LAMP2: variants seen among roughly 807,000 people sequenced by gnomAD.
LAMP2 encodes lysosome-associated membrane glycoprotein 2.
In LAMP2, 4 loss-of-function variants were observed where a neutral mutation model predicts 25.6. The observed-to-expected ratio is 0.16, with a 90% CI of 0.08 to 0.36. The LOEUF (loss-of-function observed/expected upper bound fraction) is 0.36. Among genes scored for constraint, LAMP2 ranks in the 10% least tolerant of loss-of-function variants. The pLI is 1.00. For synonymous variants in LAMP2, 108 were observed against 112.7 expected (o/e 0.96, Z 0.27); for missense variants, 272 against 301.4 (o/e 0.90, Z 0.72).
intron 2 of LAMP2, 130 bp from the exon 3 acceptor site, chrX:120,455,700 CTGTGT>C: frequency 2.0e-6 from 1 of 499,588 alleles, no homozygotes; most frequent in Non-Finnish European, 3.5e-6. Flanking sequence ...GCCTGGTTTG[CTGTGT>C]AAACCAGTCC....
intron 1 of LAMP2, among the ~76,000 whole-genome samples, chrX:120,466,749 G>A (rs1274635968): frequency 9.0e-6 from 1 of 111,694 alleles, no homozygotes; most frequent in Non-Finnish European, 1.9e-5. Flanking sequence ...CATCAGAGTG[G>A]TGAGGTCATC....
Position 120,431,057 on chromosome X carries a change from T to C in LAMP2, c.*266A>G. 1 of 932,884 alleles carries C rather than the reference T, an allele frequency of 1.1e-6. No homozygotes were observed. Among genetic ancestry groups the C allele is most frequent in the Non-Finnish European group, 1.3e-6 (1 of 749,035 alleles). The allele number at this position is 932,884 out of a possible 1,213,427, so 76.9% of individuals were successfully genotyped here. ...GTTAGGATCAAAATTTGGCCAGGGC[T>C]TCTTAAGATAGACCTTAAAACATTG... is the stretch of plus-strand genomic sequence containing the variant. On this transcript the variant is annotated 3_prime_UTR_variant, in exon 9 of 9. Coordinates refer to ENST00000200639, the MANE Select transcript of LAMP2 (RefSeq NM_002294.3).
chrX:120,445,647 A>G (rs112093734), intron 6 of LAMP2, among the ~76,000 whole-genome samples: 1,394 of 112,301 alleles, frequency 0.012, 32 homozygotes, highest in African/African-American at 0.041. Flanking sequence ...TTATGGGAAT[A>G]ATAGTTGCTT....
intron 5 of LAMP2, 21 bp downstream of exon 5, chrX:120,447,820 G>A (rs778970265): frequency 6.8e-6 from 8 of 1,181,022 alleles, no homozygotes; most frequent in Non-Finnish European, 9.2e-6. Context: ...AGGATGTATT[G>A]ATAAAGATAG....
chrX:120,454,517 G>A (rs2058635924), intron 3 of LAMP2, among the ~76,000 whole-genome samples: 1 of 110,439 alleles, frequency 9.1e-6, no homozygotes, highest in South Asian at 3.8e-4. Context: ...TCAGGAGGCT[G>A]TGAGGCATGA....
intron 3 of LAMP2, among the ~76,000 whole-genome samples, chrX:120,454,315 C>A (rs770792853): frequency 1.8e-5 from 2 of 110,690 alleles, no homozygotes; most frequent in East Asian, 5.6e-4. Flanking sequence ...TAGAATGATA[C>A]CCCCTGAGTG....
chrX:120,468,613 T>TC (rs1253659126), intron 1 of LAMP2, among the ~76,000 whole-genome samples: 1 of 110,240 alleles, frequency 9.1e-6, no homozygotes, highest in African/African-American at 3.3e-5. Context: ...GTCCCATCTG[T>TC]CCCCCACCCA....
In LAMP2 at chrX:120,429,270, A is replaced by C. The variant is rs955931127; in HGVS notation, c.*2053T>G. ...AGTCCATTCCACCGAACCACCAGGA[A>C]AGCAACATGTGCAATGTAGATTTTG... On this transcript the variant is annotated 3_prime_UTR_variant, in exon 9 of 9. Transcript: ENST00000200639. 2 of 749,722 alleles carry C rather than the reference A, an allele frequency of 2.7e-6. No homozygotes were observed. The highest frequency in any genetic ancestry group is 3.1e-6 in the Non-Finnish European group (2 of 638,139). The allele number at this position is 749,722 out of a possible 1,213,427, so 61.8% of individuals were successfully genotyped here.
rs917617678 is a variant in LAMP2 at position 120,431,056 on chromosome X, C to T, written c.*267G>A. ...GGTTAGGATCAAAATTTGGCCAGGG[C>T]TTCTTAAGATAGACCTTAAAACATT... On this transcript the variant is annotated 3_prime_UTR_variant, in exon 9 of 9. Coordinates refer to ENST00000200639, the MANE Select transcript of LAMP2 (RefSeq NM_002294.3). 10 of 926,783 alleles carry T rather than the reference C, an allele frequency of 1.1e-5. No homozygotes were observed. Among genetic ancestry groups the T allele is most frequent in the African/African-American group, 2.0e-5 (1 of 49,144 alleles). 76.4% of individuals were successfully genotyped at this position (926,783 alleles called of 1,213,427 possible).
At chrX:120,454,672 A>C (rs2058636706) in intron 3 of LAMP2, among the ~76,000 whole-genome samples, 1 of 109,772 alleles carries the variant, frequency 9.1e-6, no homozygotes, top group Non-Finnish European at 1.9e-5. Context: ...CTACTGAATG[A>C]AATCAATAAT....
Position 120,429,455 on chromosome X carries a change from T to C in LAMP2, c.*1868A>G. 1 of 607,959 alleles carries C rather than the reference T, an allele frequency of 1.6e-6. No individual in the cohort carries two copies. Among genetic ancestry groups the C allele is most frequent in the Non-Finnish European group, 2.0e-6 (1 of 506,132 alleles). The allele number at this position is 607,959 out of a possible 1,213,427, so 50.1% of individuals were successfully genotyped here. A position where few individuals can be genotyped will look rare whatever the true frequency, so the allele number is the denominator to read the frequency against. On this transcript the variant is annotated 3_prime_UTR_variant, in exon 9 of 9. Coordinates refer to ENST00000200639, the MANE Select transcript of LAMP2 (RefSeq NM_002294.3). ...TTTGAGGATTAAATACAATTACATTTCTAAAGCATCTGATACACATCAAGA... is the reference window on the plus strand; with the variant it reads ...TTTGAGGATTAAATACAATTACATTCCTAAAGCATCTGATACACATCAAGA...
intron 8 of LAMP2, among the ~76,000 whole-genome samples, chrX:120,440,828 C>T (rs902832866): frequency 1.8e-5 from 2 of 112,520 alleles, no homozygotes; most frequent in Non-Finnish European, 3.8e-5. Context: ...CGTCTTTAAT[C>T]GCAAGAATGG....
In LAMP2 at chrX:120,456,733, G is replaced by A; in HGVS notation, c.101C>T (p.Thr34Ile). Residue 34 changes from threonine (T) to isoleucine (I), a missense_variant, in exon 2 of 9, where the codon ACA becomes ATA. By Grantham distance (89) the Thr-to-Ile change is moderately conservative (BLOSUM62 -1). Coordinates refer to ENST00000200639, the MANE Select transcript of LAMP2 (RefSeq NM_002294.3). ...AAGGCAAGTGGCATTTTCTGAATCT[G>A]TCAAATTAAGTTCCAATGCATAAGA... ...VRSYALELNL[T>I]DSENATCLYA... 1 of 1,182,566 alleles carries A rather than the reference G, an allele frequency of 8.5e-7. No individual in the cohort carries two copies. The highest frequency in any genetic ancestry group is 1.1e-6 in the Non-Finnish European group (1 of 873,166).
intron 5 of LAMP2, 114 bp from the exon 6 acceptor site, chrX:120,446,541 T>C: frequency 2.5e-6 from 2 of 809,450 alleles, no homozygotes; most frequent in Non-Finnish European, 3.7e-6. Flanking sequence ...ATCTTTTGTC[T>C]GGATACTTAA....
chrX:120,456,774 A>G lies in LAMP2; in HGVS notation c.65-5T>C. The G allele has an allele frequency of 2.0e-6, 2 of 1,008,600 alleles. No individual in the cohort carries two copies. Among genetic ancestry groups the G allele is most frequent in the Non-Finnish European group, 2.8e-6 (2 of 725,356 alleles). 83.1% of individuals were successfully genotyped at this position (1,008,600 alleles called of 1,213,427 possible). On this transcript the variant is annotated splice_region_variant and splice_polypyrimidine_tract_variant and intron_variant, in intron 1 of 8. Transcript: ENST00000200639. ...ATGCATAAGACCGCACAGCTCCTGG[A>G]TTCATTTAAAAAAATAATATTTTAA...
At chrX:120,437,412 C>CA (rs10565432) in intron 8 of LAMP2, 19,159 of 614,637 alleles carry the variant, frequency 0.031, 8 homozygotes, top group Middle Eastern at 0.036. Context: ...AATCCCACCA[C>CA]AAAAAAAAAA....
chrX:120,427,946 A>G lies in LAMP2; in HGVS notation c.*3377T>C, dbSNP rs1354066765. The G allele has an allele frequency of 1.8e-5, 2 of 112,059 alleles. No individual in the cohort carries two copies. Among genetic ancestry groups the G allele is most frequent in the Non-Finnish European group, 1.9e-5 (1 of 53,107 alleles). 9.2% of individuals were successfully genotyped at this position (112,059 alleles called of 1,213,427 possible). ...AGCCAAACTTTTGCTATTAAATACA[A>G]TATCATGAAGCCATTTCTTTCTTAA... is the stretch of plus-strand genomic sequence containing the variant. On this transcript the variant is annotated 3_prime_UTR_variant, in exon 9 of 9. Coordinates refer to ENST00000200639, the MANE Select transcript of LAMP2 (RefSeq NM_002294.3).
At position 120,426,189 on chromosome X, in the gene LAMP2, A is replaced by G. The variant is rs761270364; in HGVS notation, c.*5134T>C. Among the ~76,000 whole-genome samples, 1 of 99,254 alleles carries G rather than the reference A, an allele frequency of 1.0e-5. No individual in the cohort carries two copies. The highest frequency in any genetic ancestry group is 5.2e-4 in the South Asian group (1 of 1,939). The allele number at this position is 99,254 out of a possible 115,157, so 86.2% of individuals were successfully genotyped here. A position where few individuals can be genotyped will look rare whatever the true frequency, so the allele number is the denominator to read the frequency against. Reference sequence around the variant, plus strand: ...ATCTTTATTAATTTTTAATCCATCAATCTAAAATCACACATACTAGATCAA... The same window carrying G: ...ATCTTTATTAATTTTTAATCCATCAGTCTAAAATCACACATACTAGATCAA... On this transcript the variant is annotated 3_prime_UTR_variant, in exon 9 of 9. Coordinates refer to ENST00000200639, the MANE Select transcript of LAMP2 (RefSeq NM_002294.3).
intron 8 of LAMP2, chrX:120,438,787 A>T: frequency 1.2e-6 from 1 of 834,881 alleles, no homozygotes. Flanking sequence ...GTTCCAACTC[A>T]ACTACCTGCA....
Sources: allele counts gnomAD v4.1 joint callset (sites outside exome capture counted in the v4.1 genomes callset), GRCh38; gene constraint gnomAD v4.1.1; transcripts MANE v1.5; gene names NCBI Gene and HGNC (gene_info 2026-07-23, HGNC 2026-07-21).